NTN1: variants seen among roughly 807,000 people sequenced by gnomAD.
NTN1 encodes the protein netrin 1, also known as netrin-1.
A neutral mutation model predicts 54.2 loss-of-function variants in NTN1; 11 were observed. The ratio of observed to expected loss-of-function variants is 0.20; its 90% CI spans 0.13 to 0.34. The LOEUF is 0.34. NTN1 is among the 10% of genes least tolerant of loss of function. The pLI, the probability that NTN1 is intolerant of heterozygous loss-of-function variation, is 1.00. For missense variants in NTN1, 740 were observed against 893.1 expected, an observed-to-expected ratio of 0.83 and a Z score of 2.18; for synonymous variants, 371 against 382.0, an observed-to-expected ratio of 0.97 and a Z score of 0.33.
intron 3 of NTN1, chr17:9,172,738 G>A (rs929616494): frequency 2.0e-5 from 3 of 152,044 alleles, no homozygotes; most frequent in African/African-American, 7.3e-5. Flanking sequence ...GAGGCCGGAA[G>A]CGGTGGCTCA....
the NTN1 span, among the ~76,000 whole-genome samples, chr17:9,003,335 C>G: frequency 1.3e-5 from 2 of 151,724 alleles, no homozygotes; most frequent in Admixed American, 6.6e-5. This position sits in a 1 kb window ranked among gnomAD's most constrained non-coding sequence, Gnocchi z 7.4. Context: ...CCGGGGCCGT[C>G]TGGGGGCGGC....
Position 9,242,834 on chromosome 17 carries a change from A to C in NTN1, c.*2866A>C, listed in dbSNP as rs1906268586. 6.6e-6 allele frequency: 1 copy of C among 152,380 alleles called. No individual in the cohort carries two copies. The highest frequency in any genetic ancestry group is 2.4e-5 in the African/African-American group (1 of 41,446). The allele number at this position is 152,380 out of a possible 1,614,324, so 9.4% of individuals were successfully genotyped here. ...TCTGCGGTGAGCACCATCCTTGGGA[A>C]AGCACCCCTCCTCCACTCCGGTGCC... On this transcript the variant is annotated 3_prime_UTR_variant, in exon 7 of 7. Transcript: ENST00000173229.
At chr17:9,186,716 G>A (rs1266398746) in intron 5 of NTN1, among the ~76,000 whole-genome samples, 1 of 152,186 alleles carries the variant, frequency 6.6e-6, no homozygotes, top group Non-Finnish European at 1.5e-5. Context: ...TGTGGTGGGG[G>A]TGGGGGTTGA....
chr17:9,224,631 C>A (rs574215878), intron 6 of NTN1, among the ~76,000 whole-genome samples: 1 of 152,346 alleles, frequency 6.6e-6, no homozygotes, highest in Non-Finnish European at 1.5e-5. Context: ...TGAGTTTTTC[C>A]TTCCCATCAC....
chr17:9,116,267 G>A (rs1017630483), intron 2 of NTN1, among the ~76,000 whole-genome samples: 2 of 152,132 alleles, frequency 1.3e-5, no homozygotes, highest in Non-Finnish European at 2.9e-5. Flanking sequence ...CAGAGCCCCC[G>A]GGAGGGTCAG....
intron 6 of NTN1, among the ~76,000 whole-genome samples, chr17:9,229,060 G>A (rs915723789): frequency 2.7e-5 from 4 of 149,710 alleles, no homozygotes; most frequent in African/African-American, 9.9e-5. Context: ...GTGACTATGC[G>A]TGTGTGATTG....
Position 9,135,128 on chromosome 17 carries a change from CT to C in NTN1, c.1019-27684del, listed in dbSNP as rs1047801496. 3.3e-5 allele frequency among the ~76,000 whole-genome samples: 5 copies of C among 152,180 alleles called. No homozygotes were observed. The highest frequency in any genetic ancestry group is 1.2e-4 in the African/African-American group (5 of 41,440). ...GGTAAGGCACATTGTCCCCCAGCCC[CT>C]GATGCTCCCGGCCCATCCTCCCTTC... is the stretch of plus-strand genomic sequence containing the variant. On this transcript the variant is annotated intron_variant, in intron 2 of 6. Transcript: ENST00000173229. This position sits in a 1 kb window ranked among gnomAD's most constrained non-coding sequence, Gnocchi z 4.4.
At chr17:9,009,790 C>G in the NTN1 span, among the ~76,000 whole-genome samples, 1 of 152,044 alleles carries the variant, frequency 6.6e-6, no homozygotes, top group African/African-American at 2.4e-5. Context: ...TTTTTTCCCC[C>G]GCCTAAGTTA....
intron 2 of NTN1, among the ~76,000 whole-genome samples, chr17:9,053,690 G>A (rs2091968184): frequency 6.6e-6 from 1 of 152,206 alleles, no homozygotes; most frequent in Admixed American, 6.5e-5. Context: ...ATACATCAGT[G>A]GAAAATATGA....
intron 5 of NTN1, among the ~76,000 whole-genome samples, chr17:9,214,493 C>T (rs768329318): frequency 2.0e-5 from 3 of 152,176 alleles, no homozygotes; most frequent in Non-Finnish European, 4.4e-5. Flanking sequence ...TTTGCTGATA[C>T]ATCTTTGCTA....
At chr17:9,047,544 C>A (rs2091944868) in intron 2 of NTN1, among the ~76,000 whole-genome samples, 1 of 149,742 alleles carries the variant, frequency 6.7e-6, no homozygotes, top group Non-Finnish European at 1.5e-5. Context: ...GGCGCCACTT[C>A]TATTTCTAGT....
chr17:9,189,567 G>A (rs1343533284), intron 5 of NTN1, among the ~76,000 whole-genome samples: 1 of 152,056 alleles, frequency 6.6e-6, no homozygotes, highest in Non-Finnish European at 1.5e-5. Context: ...GGCCAGGCTG[G>A]TCTCGAACTC....
At chr17:9,110,469 C>G (rs1264303760) in intron 2 of NTN1, among the ~76,000 whole-genome samples, 1 of 152,058 alleles carries the variant, frequency 6.6e-6, no homozygotes, top group Non-Finnish European at 1.5e-5. Flanking sequence ...AGGGTTTCAC[C>G]ATGTTGGCCA....
At chr17:9,227,253 C>G (rs1905601288) in intron 6 of NTN1, among the ~76,000 whole-genome samples, 1 of 151,062 alleles carries the variant, frequency 6.6e-6, no homozygotes, top group South Asian at 2.1e-4. Flanking sequence ...CACACACACA[C>G]TTTATCACAC....
At chr17:9,015,805 TCACACCTGTAATCCCAG>T in the NTN1 span, among the ~76,000 whole-genome samples, 16 of 152,076 alleles carry the variant, frequency 1.1e-4, no homozygotes, top group Admixed American at 9.2e-4. Flanking sequence ...GCGTGGTGGC[TCACACCTGTAATCCCAG>T]CACTTTGGGA....
intron 2 of NTN1, among the ~76,000 whole-genome samples, chr17:9,087,934 T>C (rs2092094893): frequency 1.3e-5 from 2 of 152,202 alleles, no homozygotes; most frequent in South Asian, 4.1e-4. Context: ...AGGGAGGCTG[T>C]GGTCTACCCA....
At position 9,056,802 on chromosome 17, in the gene NTN1, A is replaced by C. The variant is rs2091980806; in HGVS notation, c.1018+33411A>C. Among the ~76,000 whole-genome samples, 3 of 152,210 alleles carry C rather than the reference A, an allele frequency of 2.0e-5. No individual in the cohort carries two copies. In the South Asian group the frequency reaches 6.2e-4, roughly 32 times the overall value. On this transcript the variant is annotated intron_variant, in intron 2 of 6. Transcript: ENST00000173229. ...CAGGCTCTGCTCAGAGTCCAGAAGC[A>C]GGGGCTCCACCCCGTGAGATGTGGC...
At chr17:9,128,403 A>G (rs1391789027) in intron 2 of NTN1, among the ~76,000 whole-genome samples, 2 of 151,882 alleles carry the variant, frequency 1.3e-5, no homozygotes, top group African/African-American at 4.8e-5. Flanking sequence ...AGAGGTGGGT[A>G]ATGATGATGA....
intron 2 of NTN1, among the ~76,000 whole-genome samples, chr17:9,098,943 C>T (rs928363376): frequency 6.6e-6 from 1 of 152,238 alleles, no homozygotes; most frequent in Admixed American, 6.5e-5. Context: ...ACACTGGTAA[C>T]ATTGAGTATA....
Sources: gnomAD v4.1 joint callset for allele counts (sites outside exome capture counted in the v4.1 genomes callset) on GRCh38, gnomAD v4.1.1 for gene constraint, Gnocchi (gnomAD v3.1) non-coding constraint, MANE v1.5 for transcripts, NCBI Gene and HGNC (gene_info 2026-07-23, HGNC 2026-07-21) for gene names.